Variants in TENM3 observed in about 807,000 individuals in gnomAD.
TENM3 encodes teneurin-3.
A neutral mutation model predicts 255.1 loss-of-function variants in TENM3; 63 were observed. The ratio of observed to expected loss-of-function variants is 0.25; its 90% CI spans 0.20 to 0.30. The LOEUF is 0.30. TENM3 is among the 10% of genes least tolerant of loss of function. The pLI is 1.00. For missense variants in TENM3, 2,929 were observed against 3,461.1 expected, an observed-to-expected ratio of 0.85 and a Z score of 3.86; for synonymous variants, 1,306 against 1,322.3, an observed-to-expected ratio of 0.99 and a Z score of 0.27.
chr4:181,863,009 G>T, the TENM3 span, among the ~76,000 whole-genome samples: 2 of 152,082 alleles, frequency 1.3e-5, no homozygotes, highest in Non-Finnish European at 2.9e-5. Flanking sequence ...TCACAAATAC[G>T]CATGAAAAAT....
intron 3 of TENM3, among the ~76,000 whole-genome samples, chr4:182,397,246 A>G (rs995734521): frequency 1.1e-4 from 17 of 149,622 alleles, no homozygotes; most frequent in Non-Finnish European, 2.4e-4. Context: ...AAAAAAAAAA[A>G]TCAAATTAGC....
At chr4:182,112,918 A>G in the TENM3 span, among the ~76,000 whole-genome samples, 1 of 152,172 alleles carries the variant, frequency 6.6e-6, no homozygotes, top group Admixed American at 6.5e-5. Context: ...GGCCTGCTCT[A>G]CTGCTAACAG....
At chr4:182,311,567 A>G (rs1377821675) in intron 1 of TENM3, among the ~76,000 whole-genome samples, 1 of 152,212 alleles carries the variant, frequency 6.6e-6, no homozygotes, top group Admixed American at 6.5e-5. Flanking sequence ...ATGACCTTGG[A>G]TGGGCCAGTG....
intron 1 of TENM3, among the ~76,000 whole-genome samples, chr4:182,180,605 A>G (rs988599456): frequency 1.3e-5 from 2 of 151,442 alleles, no homozygotes; most frequent in Non-Finnish European, 2.9e-5. Context: ...TTCACTATGC[A>G]TGTAGAAATA....
At chr4:182,357,481 T>C (rs1166942239) in intron 3 of TENM3, among the ~76,000 whole-genome samples, 1 of 152,166 alleles carries the variant, frequency 6.6e-6, no homozygotes, top group Non-Finnish European at 1.5e-5. Flanking sequence ...ATGGTGGCAT[T>C]TTTTCATGTG....
In TENM3 at chr4:182,628,660, A is replaced by G. The variant is rs1448275312; in HGVS notation, c.759A>G (p.Leu253=). The part of the protein sequence containing the change: ...SNVPLESRHF[L]FKTGTGTTPL... ...TTCTCCTTTTCCACAGGCATTTCCT[A>G]TTCAAAACAGGAACAGGTACAACGC... Residue 253 remains leucine, a synonymous_variant, in exon 5 of 28, where the codon CTA becomes CTG. Transcript: ENST00000511685. 3 of 1,579,952 alleles carry G rather than the reference A, an allele frequency of 1.9e-6. No homozygotes were observed. The highest frequency in any genetic ancestry group is 2.3e-5 in the East Asian group (1 of 43,718).
chr4:182,032,920 G>C, the TENM3 span, among the ~76,000 whole-genome samples: 5 of 151,530 alleles, frequency 3.3e-5, no homozygotes, highest in African/African-American at 1.2e-4. Context: ...TATTGTGTTT[G>C]AGTCTTCACT....
At chr4:182,529,922 T>G (rs1245881859) in intron 3 of TENM3, among the ~76,000 whole-genome samples, 1 of 152,250 alleles carries the variant, frequency 6.6e-6, no homozygotes, top group African/African-American at 2.4e-5. Context: ...AATATTGTTT[T>G]AAGCCTTTGC....
intron 3 of TENM3, among the ~76,000 whole-genome samples, chr4:182,442,845 T>TACACACAC (rs1445116595): frequency 1.3e-5 from 1 of 79,502 alleles, no homozygotes; most frequent in African/African-American, 5.1e-5. Flanking sequence ...TACATACATA[T>TACACACAC]ATACACACAC....
chr4:182,281,266 C>T (rs1449896809), intron 1 of TENM3, among the ~76,000 whole-genome samples: 2 of 152,104 alleles, frequency 1.3e-5, no homozygotes, highest in Non-Finnish European at 2.9e-5. Context: ...TAATAGCATG[C>T]ATTTTGTTAG....
At chr4:181,462,187 G>T in the TENM3 span, among the ~76,000 whole-genome samples, 1 of 152,202 alleles carries the variant, frequency 6.6e-6, no homozygotes, top group Middle Eastern at 3.4e-3. Flanking sequence ...CTTTTAGATG[G>T]TGAGAACAGA....
chr4:182,250,042 C>G (rs1275406773), intron 1 of TENM3, among the ~76,000 whole-genome samples: 2 of 146,238 alleles, frequency 1.4e-5, no homozygotes, highest in East Asian at 4.0e-4. Flanking sequence ...TTTTCTTTTT[C>G]TTTTCTTTTT....
the TENM3 span, among the ~76,000 whole-genome samples, chr4:182,113,699 G>C: frequency 2.0e-5 from 3 of 152,096 alleles, no homozygotes; most frequent in Admixed American, 6.6e-5. Flanking sequence ...GGAGAAGTGT[G>C]GGGGAGAGGA....
Position 182,161,930 on chromosome 4 carries a change from T to C in TENM3, c.-76+17176T>C, listed in dbSNP as rs55965794. On this transcript the variant is annotated intron_variant, in intron 1 of 2. Transcript: ENST00000512480. ...ACACACACATGTATGTGTATATATATACACATATATATATTTGTGTGTGTG... is the reference window on the plus strand; with the variant it reads ...ACACACACATGTATGTGTATATATACACACATATATATATTTGTGTGTGTG... Among the ~76,000 whole-genome samples the C allele has an allele frequency of 8.7e-5, 5 of 57,302 alleles. 1 individual carries two copies. The highest frequency in any genetic ancestry group is 1.3e-4 in the Non-Finnish European group (4 of 30,746). The allele number at this position is 57,302 out of a possible 152,430, so 37.6% of individuals were successfully genotyped here.
chr4:181,855,726 C>A, the TENM3 span, among the ~76,000 whole-genome samples: 1 of 151,752 alleles, frequency 6.6e-6, no homozygotes, highest in African/African-American at 2.4e-5. Flanking sequence ...CTTTATGTGA[C>A]TAGTATTTAT....
At chr4:182,796,461 G>A (rs1766501247) in intron 26 of TENM3, among the ~76,000 whole-genome samples, 176 bp from the exon 27 acceptor site, 1 of 152,210 alleles carries the variant, frequency 6.6e-6, no homozygotes, top group Non-Finnish European at 1.5e-5. Context: ...TGCTGTGAAG[G>A]TTACCGTCTT....
the TENM3 span, among the ~76,000 whole-genome samples, chr4:181,539,996 G>A: frequency 6.6e-6 from 1 of 152,142 alleles, no homozygotes; most frequent in Admixed American, 6.5e-5. Context: ...AGGAACCAAA[G>A]CTCCTGGGAG....
chr4:182,314,397 A>T (rs1762633842), intron 1 of TENM3, among the ~76,000 whole-genome samples: 1 of 152,130 alleles, frequency 6.6e-6, no homozygotes, highest in Non-Finnish European at 1.5e-5. Context: ...GGTAGCATTT[A>T]TACATGTAGG....
the TENM3 span, among the ~76,000 whole-genome samples, chr4:181,629,218 G>T: frequency 1.3e-5 from 2 of 152,152 alleles, no homozygotes; most frequent in African/African-American, 4.8e-5. Flanking sequence ...TTGCTTATCA[G>T]CTATAAGGAG....
Sources: gnomAD v4.1 joint callset for allele counts (sites outside exome capture counted in the v4.1 genomes callset) on GRCh38, gnomAD v4.1.1 for gene constraint, MANE v1.5 for transcripts, NCBI Gene and HGNC (gene_info 2026-07-23, HGNC 2026-07-21) for gene names.